The following CD59 variants were observed in gnomAD, a reference collection of about 807,000 sequenced individuals.
CD59 encodes CD59 molecule (CD59 blood group).
A neutral mutation model predicts 7.0 loss-of-function variants in CD59; 3 were observed. The observed-to-expected ratio is 0.43, with a 90% CI of 0.19 to 1.10. CD59 has a LOEUF of 1.10. Among genes scored for constraint, CD59 ranks in the 50% least tolerant of loss-of-function variants. The probability of loss-of-function intolerance (pLI) is 0.29; values close to 1 mark genes in which losing one functional copy is unlikely to be tolerated. For synonymous variants in CD59, 60 were observed against 62.0 expected, an observed-to-expected ratio of 0.97 and a Z score of 0.15; for missense variants, 143 against 151.0, an observed-to-expected ratio of 0.95 and a Z score of 0.28.
At chr11:33,729,937 T>C (rs977273831) in intron 1 of CD59, among the ~76,000 whole-genome samples, 2 of 152,184 alleles carry the variant, frequency 1.3e-5, no homozygotes, top group African/African-American at 4.8e-5. Context: ...GGTCCATTTA[T>C]ATGCAATTTT....
At chr11:33,726,547 T>G (rs1475322856) in intron 1 of CD59, among the ~76,000 whole-genome samples, 1 of 152,206 alleles carries the variant, frequency 6.6e-6, no homozygotes, top group Non-Finnish European at 1.5e-5. Flanking sequence ...GGGAAATTTA[T>G]AGCACTAAAT....
In CD59 at chr11:33,730,636, T is replaced by C. The variant is rs535009791; in HGVS notation, c.-19+5746A>G. Among the ~76,000 whole-genome samples the C allele has an allele frequency of 2.0e-4, 30 of 152,366 alleles. 1 individual carries two copies. In the South Asian group the frequency reaches 6.2e-3, roughly 32 times the overall value. On this transcript the variant is annotated intron_variant, in intron 1 of 3. Transcript: ENST00000642928. ...ATCAGCAGGGATATGATTAGTATCATGTGATGCTAATTATCTGTGAGCTGT... is the reference window on the plus strand; with the variant it reads ...ATCAGCAGGGATATGATTAGTATCACGTGATGCTAATTATCTGTGAGCTGT...
intron 3 of CD59, among the ~76,000 whole-genome samples, chr11:33,710,918 C>T (rs1853521919): frequency 6.6e-6 from 1 of 151,388 alleles, no homozygotes; most frequent in South Asian, 2.1e-4. Context: ...AAACCCAGTC[C>T]ATTAATTTTT....
chr11:33,703,811 C>T lies in CD59; in HGVS notation c.*6315G>A, dbSNP rs376030631. On this transcript the variant is annotated 3_prime_UTR_variant, in exon 4 of 4. Coordinates refer to ENST00000642928, the MANE Select transcript of CD59 (RefSeq NM_000611.6). The stretch of plus-strand genomic sequence containing the variant: ...GAGGAGAGGGGCCAGAAGGGTCACA[C>T]TGAAGAAATGTGACATGAGGGTGGA... The T allele has an allele frequency of 7.9e-5, 12 of 152,256 alleles. No individual in the cohort carries two copies. Among genetic ancestry groups the T allele is most frequent in the African/African-American group, 1.4e-4 (6 of 41,418 alleles). 9.4% of individuals were successfully genotyped at this position (152,256 alleles called of 1,614,324 possible). A position where few individuals can be genotyped will look rare whatever the true frequency, so the allele number is the denominator to read the frequency against.
intron 2 of CD59, among the ~76,000 whole-genome samples, chr11:33,721,667 G>C (rs1237051687): frequency 6.6e-6 from 1 of 151,892 alleles, no homozygotes; most frequent in Non-Finnish European, 1.5e-5. Context: ...AACCAGGGGA[G>C]GGGTGGCTGA....
intron 1 of CD59, among the ~76,000 whole-genome samples, chr11:33,733,034 T>C (rs1478633980): frequency 6.6e-6 from 1 of 152,188 alleles, no homozygotes; most frequent in African/African-American, 2.4e-5. Flanking sequence ...AAGGGTTCCC[T>C]AAGCCAAGGC....
chr11:33,733,368 G>A (rs1261621595), intron 1 of CD59: 1 of 152,286 alleles, frequency 6.6e-6, no homozygotes, highest in African/African-American at 2.4e-5. Flanking sequence ...TATAATCCCA[G>A]CACTTTGGGA....
intron 1 of CD59, among the ~76,000 whole-genome samples, chr11:33,730,515 T>C (rs900044181): frequency 2.6e-5 from 4 of 152,222 alleles, no homozygotes; most frequent in Non-Finnish European, 5.9e-5. Context: ...TATTAAATCA[T>C]ACTGCATAAA....
rs530624373 is a variant in CD59, at chr11:33,720,931, T to C, written c.67+1448A>G. Among the ~76,000 whole-genome samples, 83 of 152,272 alleles carry C rather than the reference T, an allele frequency of 5.5e-4. No homozygotes were observed. In the Middle Eastern group the frequency reaches 0.02, roughly 37 times the overall value. ...TCTGTGGGCATGTGAGCTTCACATC[T>C]CAATTCTCTGAGAAAGGGCTGAAGT... On this transcript the variant is annotated intron_variant, in intron 2 of 3. Coordinates refer to ENST00000642928, the MANE Select transcript of CD59 (RefSeq NM_000611.6).
intron 3 of CD59, among the ~76,000 whole-genome samples, chr11:33,710,659 T>A (rs73482921): frequency 0.048 from 7,268 of 152,142 alleles, 325 homozygotes; most frequent in African/African-American, 0.11. Flanking sequence ...CCCCCTTTGA[T>A]CCAGCAATTC....
chr11:33,735,732 A>G (rs1590551741), intron 1 of CD59, among the ~76,000 whole-genome samples: 1 of 145,646 alleles, frequency 6.9e-6, no homozygotes, highest in East Asian at 2.1e-4. Flanking sequence ...CCTGACCAAC[A>G]TGGGAAAACC....
chr11:33,722,394 C>G lies in CD59; in HGVS notation c.52G>C (p.Val18Leu). Reference protein sequence around the residue: ...VLFGLLLVLAVFCHSGHSLQC... With the variant: ...VLFGLLLVLALFCHSGHSLQC... ...GAGCACTCACCTGAATGGCAGAAGA[C>G]AGCCAGGACGAGCAGCAGCCCGAAC... The change falls in exon 2 of 4, where the codon GTC (valine) becomes CTC (leucine). Residue 18 changes from valine to leucine, a missense_variant. Coordinates refer to ENST00000642928, the MANE Select transcript of CD59 (RefSeq NM_000611.6). 6.2e-7 allele frequency: 1 copy of G among 1,613,660 alleles called. No individual in the cohort carries two copies. Among genetic ancestry groups the G allele is most frequent in the African/African-American group, 1.3e-5 (1 of 75,046 alleles).
At chr11:33,720,678 G>A (rs946698298) in intron 2 of CD59, among the ~76,000 whole-genome samples, 2 of 152,220 alleles carry the variant, frequency 1.3e-5, no homozygotes, top group Admixed American at 6.5e-5. Context: ...GCAGTGAGCC[G>A]AGATCGCGCC....
intron 1 of CD59, among the ~76,000 whole-genome samples, chr11:33,725,059 A>T (rs1417224393): frequency 6.6e-6 from 1 of 152,162 alleles, no homozygotes; most frequent in Non-Finnish European, 1.5e-5. Context: ...TACAATGTAG[A>T]TGGTAACTAA....
upstream of CD59, chr11:33,736,444 T>G (rs901354087): frequency 2.6e-5 from 4 of 152,556 alleles, no homozygotes; most frequent in African/African-American, 9.7e-5. This position sits in a 1 kb window ranked among gnomAD's most constrained non-coding sequence, Gnocchi z 4.4. Flanking sequence ...CCCGCATTCT[T>G]TCGCTCCAGC....
chr11:33,715,249 C>A (rs1853736971), intron 3 of CD59, among the ~76,000 whole-genome samples: 1 of 151,944 alleles, frequency 6.6e-6, no homozygotes, highest in Admixed American at 6.6e-5. Context: ...TAATAAACTA[C>A]CAAACTGTCA....
rs746821921 is a variant in CD59 at position 33,710,175 on chromosome 11, A to G, written c.338T>C (p.Leu113Pro). The change falls in exon 4 of 4, where the codon CTT (leucine) becomes CCT (proline). Residue 113 changes from leucine (L) to proline (P), a missense_variant. By Grantham distance (98) the Leu-to-Pro change is moderately conservative. Coordinates refer to ENST00000642928, the MANE Select transcript of CD59 (RefSeq NM_000611.6). ...TGCCAGAAATGGAGTCACCAGCAGAAGAACTGTTTTCTCTGATAAGGATGT... is the reference window on the plus strand; with the variant it reads ...TGCCAGAAATGGAGTCACCAGCAGAGGAACTGTTTTCTCTGATAAGGATGT... ...GGTSLSEKTV[L>P]LLVTPFLAAA... The G allele has an allele frequency of 6.2e-7, 1 of 1,614,026 alleles. No homozygotes were observed. The highest frequency in any genetic ancestry group is 1.1e-5 in the South Asian group (1 of 91,072).
chr11:33,728,328 G>C (rs988918931), intron 1 of CD59, among the ~76,000 whole-genome samples: 2 of 152,118 alleles, frequency 1.3e-5, no homozygotes, highest in African/African-American at 4.8e-5. Context: ...CAGATATATA[G>C]ACCAATGGAA....
intron 3 of CD59, among the ~76,000 whole-genome samples, chr11:33,716,772 T>C (rs1409536687): frequency 6.6e-6 from 1 of 152,206 alleles, no homozygotes; most frequent in Admixed American, 6.5e-5. Flanking sequence ...TACCGAGCCC[T>C]GGCACCTGCT....
Sources: allele counts gnomAD v4.1 joint callset (sites outside exome capture counted in the v4.1 genomes callset), GRCh38; gene constraint gnomAD v4.1.1; non-coding constraint Gnocchi (gnomAD v3.1); transcripts MANE v1.5; gene names NCBI Gene and HGNC (gene_info 2026-07-23, HGNC 2026-07-21).